Variants in TEX101 observed in about 807,000 individuals in gnomAD.
TEX101 encodes the protein testis-expressed protein 101.
A neutral mutation model predicts 18.1 loss-of-function variants in TEX101; 10 were observed. That is an observed-to-expected ratio of 0.55 (90% CI 0.34 to 0.94). TEX101 has a LOEUF of 0.94. Ranked by LOEUF, TEX101 falls within the 40% of genes least tolerant of loss-of-function variation. The pLI, the probability that TEX101 is intolerant of heterozygous loss-of-function variation, is 0.02. For synonymous variants in TEX101, 94 were observed against 114.8 expected (o/e 0.82, Z 1.16); for missense variants, 259 against 298.9 (o/e 0.87, Z 0.98).
chr19:43,390,460 CTTTTT>C, the TEX101 span, among the ~76,000 whole-genome samples: 20 of 49,854 alleles, frequency 4.0e-4, no homozygotes, highest in South Asian at 3.3e-3. Context: ...CTTTTTTTTT[CTTTTT>C]TTTTTTTTTT....
the TEX101 span, among the ~76,000 whole-genome samples, chr19:43,391,689 C>T: frequency 7.9e-5 from 12 of 152,036 alleles, no homozygotes; most frequent in Admixed American, 3.3e-4. Context: ...GCCACAGCTG[C>T]CCAGTATCCA....
the TEX101 span, among the ~76,000 whole-genome samples, chr19:43,391,406 C>CTTTTT: frequency 6.3e-5 from 6 of 95,884 alleles, no homozygotes; most frequent in African/African-American, 8.6e-5. Flanking sequence ...TTCTGTTTTT[C>CTTTTT]TTTTTTTTTT....
chr19:43,415,421 G>T (rs531032125), intron 1 of TEX101, among the ~76,000 whole-genome samples: 1 of 152,174 alleles, frequency 6.6e-6, no homozygotes, highest in Non-Finnish European at 1.5e-5. Flanking sequence ...CTCACAAGCC[G>T]GTTAGGGACA....
chr19:43,406,611 G>GGCT, intron 3 of TEX101: 2 of 602,568 alleles, frequency 3.3e-6, no homozygotes, highest in Non-Finnish European at 6.1e-6. Context: ...TTTCGAGAGA[G>GGCT]ACTCTGGCTT....
At position 43,418,508 on chromosome 19, in the gene TEX101, G is replaced by C; in HGVS notation, c.*111G>C. On this transcript the variant is annotated 3_prime_UTR_variant, in exon 6 of 6. Coordinates refer to ENST00000598265, the MANE Select transcript of TEX101 (RefSeq NM_001130011.3). Reference sequence around the variant, plus strand: ...ATGGGAATTTGAGGGAGAATACAGAGATACTATGAACGTATTTGACATTTT... The same window carrying C: ...ATGGGAATTTGAGGGAGAATACAGACATACTATGAACGTATTTGACATTTT... 1.2e-6 allele frequency: 1 copy of C among 846,498 alleles called. No individual in the cohort carries two copies. The highest frequency in any genetic ancestry group is 2.6e-5 in the Admixed American group (1 of 38,022). The allele number at this position is 846,498 out of a possible 1,614,324, so 52.4% of individuals were successfully genotyped here. A position where few individuals can be genotyped will look rare whatever the true frequency, so the allele number is the denominator to read the frequency against.
At chr19:43,417,537 T>C (rs577731899) in intron 4 of TEX101, among the ~76,000 whole-genome samples, 25 of 152,364 alleles carry the variant, frequency 1.6e-4, no homozygotes, top group African/African-American at 5.3e-4. Context: ...TGCCAAATTC[T>C]TTTAGGTAGT....
the TEX101 span, among the ~76,000 whole-genome samples, chr19:43,391,411 T>C: frequency 2.7e-5 from 4 of 147,784 alleles, no homozygotes; most frequent in African/African-American, 7.5e-5. Context: ...TTTTTCTTTT[T>C]TTTTTTTTTT....
chr19:43,411,027 C>T (rs1351647466), upstream of TEX101, among the ~76,000 whole-genome samples: 1 of 152,176 alleles, frequency 6.6e-6, no homozygotes, highest in East Asian at 1.9e-4. Context: ...CAGGCATGAG[C>T]CATGGCACCC....
upstream of TEX101, among the ~76,000 whole-genome samples, chr19:43,411,007 G>A (rs138990723): frequency 3.3e-5 from 5 of 152,116 alleles, no homozygotes; most frequent in South Asian, 2.1e-4. Context: ...CTCCCAAAGT[G>A]TTGGGATTAC....
chr19:43,417,903 T>TTGTC lies in TEX101; in HGVS notation c.418_421dup (p.Pro141LeufsTer31), dbSNP rs1449506230. ...CTTCCACTGTGTCAACAACCCTCCATTGTCCAACCTGTGTGGCTTTGGGGA... is the reference window on the plus strand; with the variant it reads ...CTTCCACTGTGTCAACAACCCTCCATTGTCTGTCCAACCTGTGTGGCTTTGGGGA... On this transcript the variant is annotated frameshift_variant, in exon 5 of 6. Transcript: ENST00000598265. LOFTEE classifies it high-confidence loss of function. The TTGTC allele has an allele frequency of 6.2e-7, 1 of 1,614,164 alleles. No individual in the cohort carries two copies. The highest frequency in any genetic ancestry group is 8.5e-7 in the Non-Finnish European group (1 of 1,180,000).
chr19:43,395,334 TCAAAATAATCCTTATA>T, the TEX101 span, among the ~76,000 whole-genome samples: 2 of 152,238 alleles, frequency 1.3e-5, no homozygotes, highest in African/African-American at 4.8e-5. Context: ...GGCCTTAAGC[TCAAAATAATCCTTATA>T]CAAATGTGGC....
the TEX101 span, among the ~76,000 whole-genome samples, chr19:43,396,244 C>G: frequency 6.6e-6 from 1 of 152,222 alleles, no homozygotes; most frequent in African/African-American, 2.4e-5. Flanking sequence ...GAGGGGCAAA[C>G]TGGCCTGCCT....
chr19:43,415,129 A>G (rs1970458957), intron 1 of TEX101, 91 bp downstream of exon 1: 5 of 896,860 alleles, frequency 5.6e-6, no homozygotes, highest in Admixed American at 6.2e-5. Context: ...GGGGACCAGA[A>G]TGGTGTGTCC....
chr19:43,414,654 G>A (rs904901640), upstream of TEX101, among the ~76,000 whole-genome samples: 1 of 152,224 alleles, frequency 6.6e-6, no homozygotes, highest in African/African-American at 2.4e-5. Context: ...GCAACGCACT[G>A]CCCACCCTCC....
chr19:43,395,203 G>T, the TEX101 span, among the ~76,000 whole-genome samples: 1 of 152,148 alleles, frequency 6.6e-6, no homozygotes, highest in Admixed American at 6.5e-5. Context: ...CAGTCTCCAG[G>T]ATGAGCTGCC....
At chr19:43,408,929 G>A (rs1284556492) in intron 3 of TEX101, among the ~76,000 whole-genome samples, 1 of 152,148 alleles carries the variant, frequency 6.6e-6, no homozygotes, top group Non-Finnish European at 1.5e-5. Context: ...ATGAACCCGT[G>A]GAGGCCTGGT....
intron 3 of TEX101, among the ~76,000 whole-genome samples, chr19:43,406,940 T>TTTTG (rs1568456348): frequency 5.4e-4 from 82 of 151,082 alleles, no homozygotes; most frequent in African/African-American, 2.0e-3. Flanking sequence ...TGTTTTTTTT[T>TTTTG]TTTTTTTTGA....
upstream of TEX101, among the ~76,000 whole-genome samples, chr19:43,414,436 G>A (rs547566299): frequency 3.3e-5 from 5 of 152,174 alleles, no homozygotes; most frequent in Non-Finnish European, 7.4e-5. Context: ...GCCACTGCAA[G>A]TGAAGACTCA....
intron 2 of TEX101, among the ~76,000 whole-genome samples, chr19:43,405,275 A>G (rs184864120): frequency 1.3e-5 from 2 of 152,286 alleles, no homozygotes; most frequent in South Asian, 4.1e-4. Flanking sequence ...GTGGATTAGG[A>G]AGGCAAGATC....
Sources: allele counts gnomAD v4.1 joint callset (sites outside exome capture counted in the v4.1 genomes callset), GRCh38; gene constraint gnomAD v4.1.1; transcripts MANE v1.5; gene names NCBI Gene and HGNC (gene_info 2026-07-23, HGNC 2026-07-21).